The following NPHS2 variants were observed in gnomAD, a reference collection of about 807,000 sequenced individuals.
NPHS2 encodes NPHS2 stomatin family member, podocin.
NPHS2 carries 36 observed loss-of-function variants against 37.1 expected under a neutral mutation model. The observed-to-expected ratio is 0.97, with a 90% CI of 0.74 to 1.28. NPHS2 has a LOEUF of 1.28. NPHS2 is among the 50% of genes most tolerant of loss of function. NPHS2 has a pLI of 0.00. For synonymous variants in NPHS2, 196 were observed against 189.3 expected (o/e 1.04, Z -0.29); for missense variants, 447 against 488.1 (o/e 0.92, Z 0.79).
intron 1 of NPHS2, among the ~76,000 whole-genome samples, chr1:179,566,644 C>T (rs1206399655): frequency 3.3e-5 from 5 of 152,192 alleles, no homozygotes; most frequent in Admixed American, 6.5e-5. Flanking sequence ...TTGTCCATGC[C>T]TATGTTCTGA....
chr1:179,559,623 C>T (rs547962148), intron 4 of NPHS2, 56 bp downstream of exon 4: 58 of 1,099,324 alleles, frequency 5.3e-5, no homozygotes, highest in African/African-American at 1.6e-4. Flanking sequence ...ATTTTGTCCA[C>T]GGTAGGTAGA....
At chr1:179,570,312 C>T (rs755296197) in intron 1 of NPHS2, among the ~76,000 whole-genome samples, 5 of 152,116 alleles carry the variant, frequency 3.3e-5, no homozygotes, top group South Asian at 2.1e-4. Context: ...GCTGAGATCC[C>T]GGAACAGAGA....
chr1:179,560,282 C>T (rs1241167766), intron 3 of NPHS2, among the ~76,000 whole-genome samples: 2 of 152,128 alleles, frequency 1.3e-5, no homozygotes, highest in South Asian at 2.1e-4. Flanking sequence ...TTAGTCCTCA[C>T]CCACCCAATA....
chr1:179,567,302 C>A (rs1460284430), intron 1 of NPHS2, among the ~76,000 whole-genome samples: 1 of 152,034 alleles, frequency 6.6e-6, no homozygotes, highest in Non-Finnish European at 1.5e-5. Flanking sequence ...AGTTGGATTC[C>A]TAGGTATTTT....
intron 1 of NPHS2, among the ~76,000 whole-genome samples, chr1:179,568,209 T>C (rs982041105): frequency 4.6e-5 from 7 of 152,212 alleles, no homozygotes; most frequent in African/African-American, 1.7e-4. Context: ...GGTAGGCTAT[T>C]ATTTATTGCC....
chr1:179,557,855 A>G (rs186135543), intron 4 of NPHS2, among the ~76,000 whole-genome samples: 16 of 152,342 alleles, frequency 1.1e-4, no homozygotes, highest in Non-Finnish European at 1.5e-4. Context: ...TAGCTAATAT[A>G]TGAAAAGATG....
chr1:179,560,654 T>C (rs1674102478), intron 3 of NPHS2, among the ~76,000 whole-genome samples: 1 of 152,164 alleles, frequency 6.6e-6, no homozygotes, highest in Admixed American at 6.5e-5. Flanking sequence ...CATGGGACTT[T>C]GCTCCTCATG....
In NPHS2 at chr1:179,556,939, G is replaced by T; in HGVS notation, c.738+88C>A. On this transcript the variant is annotated intron_variant, in intron 5 of 7. Coordinates refer to ENST00000367615, the MANE Select transcript of NPHS2 (RefSeq NM_014625.4). The surrounding 1 kb of genome is among the most constrained non-coding windows in gnomAD (Gnocchi z 4.1). ...GGGATGGCCCCTAAGGGATGGAACT[G>T]GCCATAGAAGATTTAATAAATGTCC... 1 of 1,276,526 alleles carries T rather than the reference G, an allele frequency of 7.8e-7. No individual in the cohort carries two copies. Among genetic ancestry groups the T allele is most frequent in the Non-Finnish European group, 1.1e-6 (1 of 902,882 alleles). 79.1% of individuals were successfully genotyped at this position (1,276,526 alleles called of 1,614,324 possible).
At chr1:179,564,853 G>A in intron 1 of NPHS2, 60 bp from the exon 2 acceptor site, 3 of 1,313,104 alleles carry the variant, frequency 2.3e-6, no homozygotes. Flanking sequence ...TCACTGACTA[G>A]CATCTGTTGG....
chr1:179,558,710 G>A (rs1320979708), intron 4 of NPHS2, among the ~76,000 whole-genome samples: 1 of 152,060 alleles, frequency 6.6e-6, no homozygotes, highest in African/African-American at 2.4e-5. Flanking sequence ...AACAGTGCAC[G>A]AGGGTTCCAA....
chr1:179,564,967 A>G (rs1236467605), intron 1 of NPHS2, among the ~76,000 whole-genome samples, 174 bp from the exon 2 acceptor site: 1 of 152,116 alleles, frequency 6.6e-6, no homozygotes, highest in Non-Finnish European at 1.5e-5. Flanking sequence ...GGGGAGGAGC[A>G]GGCTCCTGGA....
intron 1 of NPHS2, among the ~76,000 whole-genome samples, chr1:179,575,036 T>G (rs886488504): frequency 3.9e-5 from 6 of 152,212 alleles, no homozygotes; most frequent in African/African-American, 1.2e-4. Context: ...ATGGTTAAGG[T>G]CCTTCCTATG....
rs534054043 is a variant in NPHS2 at position 179,571,083 on chromosome 1, T to C, written c.274+4508A>G. Among the ~76,000 whole-genome samples the C allele has an allele frequency of 2.0e-5, 3 of 152,336 alleles. No individual in the cohort carries two copies. The South Asian group carries it at 6.2e-4, about 32-fold the overall frequency. On this transcript the variant is annotated intron_variant, in intron 1 of 7. Transcript: ENST00000367615. ...ACTTCTGTCAAGTCCTCAAAGTCATTCTCCATCCAGCTTTGTTTCATTGCT... is the reference window on the plus strand; with the variant it reads ...ACTTCTGTCAAGTCCTCAAAGTCATCCTCCATCCAGCTTTGTTTCATTGCT...
At chr1:179,573,786 T>C (rs1396973676) in intron 1 of NPHS2, among the ~76,000 whole-genome samples, 2 of 152,236 alleles carry the variant, frequency 1.3e-5, no homozygotes, top group African/African-American at 4.8e-5. Flanking sequence ...GCGAGAGATA[T>C]GCGTAGAAAA....
intron 7 of NPHS2, chr1:179,552,324 T>G: frequency 2.0e-6 from 1 of 500,186 alleles, no homozygotes; most frequent in Non-Finnish European, 3.7e-6. Flanking sequence ...AGAAGAGGGA[T>G]TGATGTGTGT....
At chr1:179,564,596 A>G (rs1156640301) in intron 2 of NPHS2, 94 bp downstream of exon 2, 2 of 1,071,668 alleles carry the variant, frequency 1.9e-6, no homozygotes, top group Admixed American at 1.8e-5. Context: ...ACATGGAGCA[A>G]TAACATGTAC....
chr1:179,551,474 A>C (rs1349612101), intron 7 of NPHS2, 23 bp from the exon 8 acceptor site: 4 of 1,612,378 alleles, frequency 2.5e-6, no homozygotes, highest in Admixed American at 1.7e-5. Flanking sequence ...TGACGAAAGC[A>C]AAGTGATTGT....
At chr1:179,564,652 C>G in intron 2 of NPHS2, 38 bp downstream of exon 2, 2 of 1,549,628 alleles carry the variant, frequency 1.3e-6, no homozygotes, top group Non-Finnish European at 1.8e-6. Context: ...AGTGAGAGGC[C>G]TCAGGAAATT....
In NPHS2 at chr1:179,551,212, C is replaced by T. The variant is rs751795698; in HGVS notation, c.1113G>A (p.Glu371=). ...LPFPSPSKPV[E]PLNPKKKDSP... ...AGTCTTTCTTTTTAGGATTTAGTGG[C>T]TCAACAGGTTTGGAAGGACTTGGGA... Residue 371 remains glutamate (E), a synonymous_variant, in exon 8 of 8, where the codon GAG becomes GAA. Transcript: ENST00000367615. 85 of 1,613,984 alleles carry T rather than the reference C, an allele frequency of 5.3e-5. No homozygotes were observed. Among genetic ancestry groups the T allele is most frequent in the Non-Finnish European group, 6.9e-5 (82 of 1,180,026 alleles).
Sources: allele counts gnomAD v4.1 joint callset (sites outside exome capture counted in the v4.1 genomes callset), GRCh38; gene constraint gnomAD v4.1.1; non-coding constraint Gnocchi (gnomAD v3.1); transcripts MANE v1.5; gene names NCBI Gene and HGNC (gene_info 2026-07-23, HGNC 2026-07-21).